Variants in AUTS2 observed in about 807,000 individuals in gnomAD.
AUTS2 encodes autism susceptibility gene 2 protein.
Under a neutral mutation model 112.4 loss-of-function variants are expected in AUTS2, and 17 were observed. The observed-to-expected ratio is 0.15, with a 90% CI of 0.10 to 0.23. The LOEUF (loss-of-function observed/expected upper bound fraction) is 0.23, where lower values mean the gene tolerates loss of function less well. Among genes scored for constraint, AUTS2 ranks in the 10% least tolerant of loss-of-function variants. AUTS2 has a pLI of 1.00. For synonymous variants in AUTS2, 751 were observed against 702.7 expected, an observed-to-expected ratio of 1.07 and a Z score of -1.09; for missense variants, 1,510 against 1,701.6, an observed-to-expected ratio of 0.89 and a Z score of 1.98.
intron 4 of AUTS2, among the ~76,000 whole-genome samples, chr7:70,398,434 T>C (rs1794181890): frequency 6.6e-6 from 1 of 152,216 alleles, no homozygotes; most frequent in Non-Finnish European, 1.5e-5. Flanking sequence ...TTTTGTATTT[T>C]TTAATGCACA....
At chr7:70,310,896 T>C (rs1381211174) in intron 4 of AUTS2, among the ~76,000 whole-genome samples, 2 of 152,192 alleles carry the variant, frequency 1.3e-5, no homozygotes. Flanking sequence ...TAAATGTTAA[T>C]ACAAGTAAAA....
At chr7:69,682,570 C>A (rs1043242959) in intron 1 of AUTS2, among the ~76,000 whole-genome samples, 1 of 152,178 alleles carries the variant, frequency 6.6e-6, no homozygotes, top group Non-Finnish European at 1.5e-5. Flanking sequence ...AATACTCATA[C>A]TCTTAAGGCT....
chr7:70,336,036 A>G (rs1362024652), intron 4 of AUTS2, among the ~76,000 whole-genome samples: 2 of 152,222 alleles, frequency 1.3e-5, no homozygotes, highest in Non-Finnish European at 2.9e-5. Context: ...TAAAGTCTTA[A>G]TTTTTGAAAC....
intron 5 of AUTS2, among the ~76,000 whole-genome samples, chr7:70,663,630 G>A (rs1366648069): frequency 1.3e-5 from 2 of 151,812 alleles, no homozygotes; most frequent in Admixed American, 6.6e-5. Flanking sequence ...TGGGGAGGAA[G>A]ACTCAGAATT....
chr7:70,517,511 T>TATATACACATATATACAAATTGC (rs66697567), intron 5 of AUTS2, among the ~76,000 whole-genome samples: 7 of 144,580 alleles, frequency 4.8e-5, no homozygotes, highest in East Asian at 3.9e-4. Context: ...GGGCAAATTG[T>TATATACACATATATACAAATTGC]ATATACACAT....
At chr7:69,748,160 C>T (rs577523525) in intron 1 of AUTS2, among the ~76,000 whole-genome samples, 1 of 152,106 alleles carries the variant, frequency 6.6e-6, no homozygotes, top group Non-Finnish European at 1.5e-5. Flanking sequence ...ATTATGTTCC[C>T]TTTAAAAACA....
intron 2 of AUTS2, among the ~76,000 whole-genome samples, chr7:69,963,504 C>G (rs1006952332): frequency 6.6e-6 from 1 of 152,078 alleles, no homozygotes; most frequent in African/African-American, 2.4e-5. Flanking sequence ...GGTGAAGTTT[C>G]TGAGTGGAAG....
intron 1 of AUTS2, among the ~76,000 whole-genome samples, chr7:69,670,706 A>G (rs1240072128): frequency 2.0e-5 from 3 of 152,114 alleles, no homozygotes; most frequent in Admixed American, 1.3e-4. Flanking sequence ...ATCAGACCCT[A>G]TCTCTACAAA....
intron 4 of AUTS2, among the ~76,000 whole-genome samples, chr7:70,177,309 C>G (rs1251849871): frequency 2.0e-5 from 3 of 152,128 alleles, no homozygotes; most frequent in African/African-American, 4.8e-5. Context: ...TAGTGAGGAG[C>G]CTGAGGCTTA....
chr7:69,955,983 A>G (rs991123085), intron 2 of AUTS2, among the ~76,000 whole-genome samples: 5 of 152,148 alleles, frequency 3.3e-5, no homozygotes, highest in Admixed American at 6.5e-5. Flanking sequence ...CAACAACTTC[A>G]TAAGTATCAT....
intron 1 of AUTS2, among the ~76,000 whole-genome samples, chr7:69,607,439 G>A (rs1792790808): frequency 6.6e-6 from 1 of 152,150 alleles, no homozygotes. Flanking sequence ...CATTGTGTAT[G>A]AAACGCAGAA....
intron 4 of AUTS2, among the ~76,000 whole-genome samples, chr7:70,335,876 G>A (rs1344377615): frequency 1.3e-5 from 2 of 152,142 alleles, no homozygotes; most frequent in African/African-American, 4.8e-5. Context: ...CATAGTGCAG[G>A]TCTCTGTATG....
chr7:70,264,684 C>T (rs1584948905), intron 4 of AUTS2, among the ~76,000 whole-genome samples: 2 of 152,184 alleles, frequency 1.3e-5, no homozygotes, highest in South Asian at 4.2e-4. Context: ...AGTTGGAGTA[C>T]GGTGAGTAAC....
chr7:70,724,370 A>G (rs1786883720), intron 6 of AUTS2, among the ~76,000 whole-genome samples: 1 of 151,986 alleles, frequency 6.6e-6, no homozygotes, highest in African/African-American at 2.4e-5. Flanking sequence ...TAGTAAGCTT[A>G]TCAAAAATCA....
At chr7:70,725,319 G>A (rs1340224299) in intron 6 of AUTS2, among the ~76,000 whole-genome samples, 5 of 152,152 alleles carry the variant, frequency 3.3e-5, no homozygotes, top group African/African-American at 4.8e-5. Flanking sequence ...TCATCAACTT[G>A]GAGCATTCAT....
At chr7:69,816,618 A>G (rs144265985) in intron 1 of AUTS2, among the ~76,000 whole-genome samples, 165 of 152,346 alleles carry the variant, frequency 1.1e-3, no homozygotes, top group African/African-American at 3.9e-3. Context: ...CTTTTGACCC[A>G]GTTGACTGAT....
In AUTS2 at chr7:69,912,392, G is replaced by A. The variant is rs940706567; in HGVS notation, c.522+12894G>A. 3.3e-5 allele frequency among the ~76,000 whole-genome samples: 5 copies of A among 152,150 alleles called. No individual in the cohort carries two copies. In the East Asian group the frequency reaches 9.7e-4, roughly 29 times the overall value. The stretch of plus-strand genomic sequence containing the variant: ...TCCCTCTCTGCCAACTCAGTGGAGG[G>A]TGGGGCTCCTGCCTGTTCCTGGCCC... On this transcript the variant is annotated intron_variant, in intron 2 of 18. Transcript: ENST00000342771.
chr7:69,690,678 A>T (rs1797297828), intron 1 of AUTS2, among the ~76,000 whole-genome samples: 1 of 152,076 alleles, frequency 6.6e-6, no homozygotes, highest in Non-Finnish European at 1.5e-5. Flanking sequence ...GAACCACAGA[A>T]CCCCAAACAG....
At chr7:69,742,289 A>G (rs1217421803) in intron 1 of AUTS2, among the ~76,000 whole-genome samples, 1 of 151,790 alleles carries the variant, frequency 6.6e-6, no homozygotes, top group Non-Finnish European at 1.5e-5. Flanking sequence ...TTTTTTGTTT[A>G]TCATAGATGT....
Sources: allele counts gnomAD v4.1 joint callset (sites outside exome capture counted in the v4.1 genomes callset), GRCh38; gene constraint gnomAD v4.1.1; transcripts MANE v1.5; gene names NCBI Gene and HGNC (gene_info 2026-07-23, HGNC 2026-07-21).